PAPPA: variants seen among roughly 807,000 people sequenced by gnomAD.
PAPPA encodes pappalysin-1.
Under a neutral mutation model 164.0 loss-of-function variants are expected in PAPPA, and 60 were observed. The ratio of observed to expected loss-of-function variants is 0.37; its 90% CI spans 0.30 to 0.45. PAPPA has a LOEUF of 0.45. Among genes scored for constraint, PAPPA ranks in the 20% least tolerant of loss-of-function variants. The probability of loss-of-function intolerance (pLI) is 1.00; values close to 1 mark genes in which losing one functional copy is unlikely to be tolerated. For missense variants in PAPPA, 1,782 were observed against 2,087.3 expected, an observed-to-expected ratio of 0.85 and a Z score of 2.85; for synonymous variants, 875 against 814.1, an observed-to-expected ratio of 1.07 and a Z score of -1.27.
At chr9:116,210,863 T>G (rs1369065319) in intron 3 of PAPPA, among the ~76,000 whole-genome samples, 1 of 152,188 alleles carries the variant, frequency 6.6e-6, no homozygotes, top group Admixed American at 6.5e-5. Context: ...CCTCAAGTGA[T>G]GTACTTGATG....
chr9:116,363,817 G>A (rs146798885), intron 18 of PAPPA, among the ~76,000 whole-genome samples: 2 of 152,290 alleles, frequency 1.3e-5, no homozygotes, highest in Non-Finnish European at 2.9e-5. Flanking sequence ...AGGTTCATGG[G>A]GACTGTCCAT....
rs532120117 is a variant in PAPPA at position 116,279,645 on chromosome 9, A to G, written c.2953+8229A>G. Among the ~76,000 whole-genome samples the G allele has an allele frequency of 9.2e-5, 14 of 152,346 alleles. No homozygotes were observed. In the South Asian group the frequency reaches 2.9e-3, roughly 32 times the overall value. On this transcript the variant is annotated intron_variant, in intron 9 of 21. Transcript: ENST00000328252. ...ACTTTGATGTGTGCCTTTGAAAGGC[A>G]GCCAGAGTCCAAGGCAGGTGAATCT...
At chr9:116,222,659 T>G (rs953907568) in intron 5 of PAPPA, among the ~76,000 whole-genome samples, 2 of 151,408 alleles carry the variant, frequency 1.3e-5, no homozygotes, top group Non-Finnish European at 2.9e-5. Context: ...TTCATAGAGG[T>G]AGAAAGTAGA....
At position 116,154,607 on chromosome 9, in the gene PAPPA, C is replaced by A. The variant is rs1161377382; in HGVS notation, c.415+20C>A. On this transcript the variant is annotated intron_variant, in intron 1 of 21. Transcript: ENST00000328252. This position sits in a 1 kb window ranked among gnomAD's most constrained non-coding sequence, Gnocchi z 5.2. ...TCACAGGTAGGTGAGGGCGCCTCGG[C>A]GGGCGCTGCACCGTCCCTGCGGCCC... 1 of 1,331,880 alleles carries A rather than the reference C, an allele frequency of 7.5e-7. No homozygotes were observed. The allele number at this position is 1,331,880 out of a possible 1,614,324, so 82.5% of individuals were successfully genotyped here. A position where few individuals can be genotyped will look rare whatever the true frequency, so the allele number is the denominator to read the frequency against.
intron 1 of PAPPA, among the ~76,000 whole-genome samples, chr9:116,177,210 G>A (rs1277698000): frequency 6.6e-6 from 1 of 152,124 alleles, no homozygotes; most frequent in African/African-American, 2.4e-5. Context: ...TCTATGAACA[G>A]TGTCTTATTA....
At chr9:116,296,467 C>T (rs865786798) in intron 9 of PAPPA, among the ~76,000 whole-genome samples, 4 of 152,130 alleles carry the variant, frequency 2.6e-5, no homozygotes, top group East Asian at 1.9e-4. Flanking sequence ...GAAATACTAC[C>T]GTGAAGGACT....
chr9:116,315,756 A>G (rs1845780390), intron 10 of PAPPA, among the ~76,000 whole-genome samples: 1 of 152,192 alleles, frequency 6.6e-6, no homozygotes, highest in Non-Finnish European at 1.5e-5. Flanking sequence ...AAGAAGAGGT[A>G]GAGGTAAAAG....
rs1846046325 is a variant in PAPPA, at chr9:116,335,189, TCTCCATCCATC to T, written c.3611+119_3611+129del. On this transcript the variant is annotated intron_variant, in intron 13 of 21. Coordinates refer to ENST00000328252, the MANE Select transcript of PAPPA (RefSeq NM_002581.5). ...GTAAAAAGTCTGTGCATTTCTCCCT[TCTCCATCCATC>T]CTCTGGCCTCTGGCCGGCTCTGCCT... 5 of 823,510 alleles carry T rather than the reference TCTCCATCCATC, an allele frequency of 6.1e-6. No individual in the cohort carries two copies. In the East Asian group the frequency reaches 1.3e-4, roughly 22 times the overall value. The allele number at this position is 823,510 out of a possible 1,614,324, so 51.0% of individuals were successfully genotyped here.
At chr9:116,391,605 A>AGAT (rs1306078927) in intron 21 of PAPPA, among the ~76,000 whole-genome samples, 1 of 152,210 alleles carries the variant, frequency 6.6e-6, no homozygotes, top group African/African-American at 2.4e-5. Context: ...TCACACTCAC[A>AGAT]GATGGAGGTG....
chr9:116,365,635 T>A (rs984414407), intron 18 of PAPPA, among the ~76,000 whole-genome samples: 2 of 150,046 alleles, frequency 1.3e-5, no homozygotes, highest in Non-Finnish European at 3.0e-5. Flanking sequence ...AAAAGGATTT[T>A]ATTATCACAG....
chr9:116,322,159 A>C (rs1388649756), intron 10 of PAPPA, among the ~76,000 whole-genome samples: 1 of 152,082 alleles, frequency 6.6e-6, no homozygotes, highest in African/African-American at 2.4e-5. Flanking sequence ...AGGCGCGGTG[A>C]CTCACGCCTG....
chr9:116,310,210 C>G (rs1191599480), intron 10 of PAPPA, among the ~76,000 whole-genome samples: 4 of 152,186 alleles, frequency 2.6e-5, no homozygotes, highest in African/African-American at 9.7e-5. Flanking sequence ...GCTCTGCCTG[C>G]TATGGCCTTC....
rs748775815 is a variant in PAPPA at position 116,220,037 on chromosome 9, G to A, written c.2019G>A (p.Ala673=). 58 of 1,613,998 alleles carry A rather than the reference G, an allele frequency of 3.6e-5. No individual in the cohort carries two copies. In the East Asian group the frequency reaches 4.5e-4, roughly 12 times the overall value. ...GCTGGCAGCCCTCCAGGAAACCAGCGCCTGTTGCCCTCGCCCCCCAAGTTC... is the reference window on the plus strand; with the variant it reads ...GCTGGCAGCCCTCCAGGAAACCAGCACCTGTTGCCCTCGCCCCCCAAGTTC... The part of the protein sequence containing the change: ...YQGWQPSRKP[A]PVALAPQVLG... The change falls in exon 5 of 22, where the codon GCG becomes GCA. Residue 673 remains alanine, a synonymous_variant. Transcript: ENST00000328252.
chr9:116,343,449 A>G (rs991751384), intron 13 of PAPPA, among the ~76,000 whole-genome samples: 13 of 152,234 alleles, frequency 8.5e-5, no homozygotes, highest in Admixed American at 3.3e-4. Flanking sequence ...AAAGCTTCCT[A>G]TGGAAATTTG....
At chr9:116,350,787 G>A (rs990162016) in intron 15 of PAPPA, among the ~76,000 whole-genome samples, 4 of 152,204 alleles carry the variant, frequency 2.6e-5, no homozygotes, top group Non-Finnish European at 5.9e-5. Context: ...GAAGTTTGTA[G>A]ACACTGACTG....
chr9:116,312,288 C>CTTTCTTTTTTTTTTTTTT (rs1845728233), intron 10 of PAPPA, among the ~76,000 whole-genome samples: 1 of 129,640 alleles, frequency 7.7e-6, no homozygotes, highest in Non-Finnish European at 1.6e-5. Context: ...TTCTTTCTTT[C>CTTTCTTTTTTTTTTTTTT]TTTTTTTTTT....
intron 7 of PAPPA, among the ~76,000 whole-genome samples, chr9:116,253,981 A>T (rs1844891958): frequency 6.6e-6 from 1 of 152,168 alleles, no homozygotes; most frequent in Admixed American, 6.5e-5. Flanking sequence ...TCTTCCACCA[A>T]ACAAGTATGA....
chr9:116,329,357 A>G (rs930510772), intron 10 of PAPPA, among the ~76,000 whole-genome samples: 2 of 152,150 alleles, frequency 1.3e-5, no homozygotes, highest in Admixed American at 1.3e-4. Flanking sequence ...ATTTTTTTTA[A>G]TTTATAAAAT....
intron 1 of PAPPA, among the ~76,000 whole-genome samples, chr9:116,182,209 T>C (rs1450198916): frequency 1.3e-5 from 2 of 152,152 alleles, no homozygotes; most frequent in Non-Finnish European, 2.9e-5. Context: ...TAACGTAGAG[T>C]AAATGATAGT....
Sources: allele counts gnomAD v4.1 joint callset (sites outside exome capture counted in the v4.1 genomes callset), GRCh38; gene constraint gnomAD v4.1.1; non-coding constraint Gnocchi (gnomAD v3.1); transcripts MANE v1.5; gene names NCBI Gene and HGNC (gene_info 2026-07-23, HGNC 2026-07-21).